Variants in CCDC187 observed in about 807,000 individuals in gnomAD.
CCDC187 encodes the protein coiled-coil domain containing 187, also known as coiled-coil domain-containing protein 187.
A neutral mutation model predicts 38.0 loss-of-function variants in CCDC187; 32 were observed. The observed-to-expected ratio is 0.84, with a 90% CI of 0.64 to 1.13. The LOEUF is 1.13. Among genes scored for constraint, CCDC187 ranks in the 50% most tolerant of loss-of-function variants. The pLI, the probability that CCDC187 is intolerant of heterozygous loss-of-function variation, is 0.00. For synonymous variants in CCDC187, 333 were observed against 347.9 expected (o/e 0.96, Z 0.48); for missense variants, 707 against 786.8 (o/e 0.90, Z 1.21).
intron 14 of CCDC187, among the ~76,000 whole-genome samples, chr9:136,270,099 T>C (rs782061984): frequency 2.0e-5 from 3 of 152,232 alleles, no homozygotes; most frequent in Admixed American, 6.5e-5. Context: ...AGCTCACAAC[T>C]TCAAGTGGCC....
intron 3 of CCDC187, among the ~76,000 whole-genome samples, chr9:136,298,083 T>C (rs1447616399): frequency 2.0e-5 from 3 of 152,172 alleles, no homozygotes; most frequent in Non-Finnish European, 4.4e-5. Flanking sequence ...CAGGCATACC[T>C]ATTCAAATTC....
At chr9:136,293,253 ACACACT>A (rs1831394933) in intron 4 of CCDC187, among the ~76,000 whole-genome samples, 1 of 144,406 alleles carries the variant, frequency 6.9e-6, no homozygotes, top group African/African-American at 2.8e-5. Flanking sequence ...TCACATGCTT[ACACACT>A]CACTCATGCT....
intron 8 of CCDC187, chr9:136,285,837 G>A (rs1316484353): frequency 2.5e-6 from 1 of 396,930 alleles, no homozygotes; most frequent in Non-Finnish European, 4.4e-6. Context: ...AGGAGCAATA[G>A]CTGCTGCGGG....
chr9:136,258,992 C>T lies in CCDC187; in HGVS notation c.4306G>A (p.Ala1436Thr). 1 of 985,894 alleles carries T rather than the reference C, an allele frequency of 1.0e-6. No homozygotes were observed. The highest frequency in any genetic ancestry group is 1.1e-4 in the East Asian group (1 of 8,796). 61.1% of individuals were successfully genotyped at this position (985,894 alleles called of 1,614,324 possible). A position where few individuals can be genotyped will look rare whatever the true frequency, so the allele number is the denominator to read the frequency against. ...RLGPAFPAEE[A>T]EGRLPTAQCR... is the part of the protein sequence containing the mutation. ...TGAGCTGTGGGGAGGCGCCCCTCCG[C>T]CTCCTCGGCCTGGGGGGTGAGACGG... Residue 1436 changes from alanine (A) to threonine (T), a missense_variant, in exon 22 of 26, where the codon GCG becomes ACG. Transcript: ENST00000638797. This position sits in a 1 kb window ranked among gnomAD's most constrained non-coding sequence, Gnocchi z 4.3.
At chr9:136,302,194 A>C (rs1236443972) in intron 2 of CCDC187, among the ~76,000 whole-genome samples, 1 of 152,176 alleles carries the variant, frequency 6.6e-6, no homozygotes, top group East Asian at 1.9e-4. Context: ...TCTCAAAAAA[A>C]TAAAAAATAA....
rs1830580257 is a variant in CCDC187, at chr9:136,253,897, G to C, written c.5931C>G (p.Pro1977=). The C allele has an allele frequency of 3.0e-6, 3 of 985,492 alleles. No homozygotes were observed. The highest frequency in any genetic ancestry group is 4.7e-5 in the South Asian group (1 of 21,282). 61.0% of individuals were successfully genotyped at this position (985,492 alleles called of 1,614,324 possible). The change falls in exon 26 of 26, where the codon CCC becomes CCG. Residue 1977 remains proline (P), a synonymous_variant. Coordinates refer to ENST00000638797, the MANE Select transcript of CCDC187 (RefSeq NM_001378188.1). The stretch of plus-strand genomic sequence containing the variant: ...CAGTCAAGACGTCACCGGCAAGTAG[G>C]GGACAGGCTTCCTCCAGGACAGTGG... ...GAPTVLEEAC[P]LLAGDVLTEI... is the part of the protein sequence containing the mutation.
upstream of CCDC187, chr9:136,304,108 G>C (rs2131375165): frequency 6.6e-6 from 1 of 152,534 alleles, no homozygotes; most frequent in African/African-American, 2.4e-5. Context: ...CTGTCTCTTG[G>C]TGGGGTGGGG....
intron 4 of CCDC187, among the ~76,000 whole-genome samples, chr9:136,295,466 C>G (rs1831513160): frequency 6.6e-6 from 1 of 152,210 alleles, no homozygotes. Flanking sequence ...AGTGCCCTGT[C>G]AAAGTTCTGG....
At position 136,264,494 on chromosome 9, in the gene CCDC187, TC is replaced by T. The variant is rs1554761388; in HGVS notation, c.3736-697del. On this transcript the variant is annotated intron_variant, in intron 17 of 25. Coordinates refer to ENST00000638797, the MANE Select transcript of CCDC187 (RefSeq NM_001378188.1). This position sits in a 1 kb window ranked among gnomAD's most constrained non-coding sequence, Gnocchi z 4.3. The stretch of plus-strand genomic sequence containing the variant: ...AGACCCCTTCTAAGCCCCTTTTGTT[TC>T]CCCGGCTCACGTTGTTCTCTGTGGT... Among the ~76,000 whole-genome samples the T allele has an allele frequency of 2.0e-5, 3 of 151,840 alleles. No homozygotes were observed. Among genetic ancestry groups the T allele is most frequent in the Non-Finnish European group, 4.4e-5 (3 of 67,952 alleles).
rs1418651150 is a variant in CCDC187, at chr9:136,302,885, G to A, written c.552C>T (p.His184=). 2.5e-5 allele frequency: 10 copies of A among 398,614 alleles called. No homozygotes were observed. Among genetic ancestry groups the A allele is most frequent in the Non-Finnish European group, 4.4e-5 (10 of 226,140 alleles). 24.7% of individuals were successfully genotyped at this position (398,614 alleles called of 1,614,324 possible). A position where few individuals can be genotyped will look rare whatever the true frequency, so the allele number is the denominator to read the frequency against. ...TCCTAAGCATCAGCGTGGAGGCTTT[G>A]TGGAGTCTGGAGGCGCTGGAGGGGG... is the stretch of plus-strand genomic sequence containing the variant. ...TSAPSSASRL[H]KASTLMLRRK... The change falls in exon 2 of 26, where the codon CAC becomes CAT. Residue 184 remains histidine, a synonymous_variant. Coordinates refer to ENST00000638797, the MANE Select transcript of CCDC187 (RefSeq NM_001378188.1).
chr9:136,297,143 A>G (rs2131346162), intron 4 of CCDC187, among the ~76,000 whole-genome samples: 1 of 150,206 alleles, frequency 6.7e-6, no homozygotes, highest in East Asian at 2.0e-4. Context: ...CGTGAGCTGC[A>G]GGTGGCGTGA....
At chr9:136,287,473 GCTTGCTTC>G (rs1384638509) in intron 7 of CCDC187, among the ~76,000 whole-genome samples, 3 of 152,116 alleles carry the variant, frequency 2.0e-5, no homozygotes, top group Non-Finnish European at 4.4e-5. Context: ...CGTTCATCAC[GCTTGCTTC>G]CTTACCCTTC....
chr9:136,301,826 G>A (rs1212919249), intron 2 of CCDC187, among the ~76,000 whole-genome samples: 2 of 151,966 alleles, frequency 1.3e-5, no homozygotes, highest in African/African-American at 4.8e-5. Flanking sequence ...CAGACCTCGT[G>A]ATCTGCCCGC....
intron 21 of CCDC187, 35 bp from the exon 22 acceptor site, chr9:136,259,036 G>A (rs1483206273): frequency 2.4e-5 from 24 of 986,004 alleles, no homozygotes; most frequent in Non-Finnish European, 2.9e-5. Context: ...ATGGCACAGG[G>A]CCCTGAAGGG....
intron 19 of CCDC187, among the ~76,000 whole-genome samples, chr9:136,261,839 G>C (rs1830682472): frequency 6.6e-6 from 1 of 152,210 alleles, no homozygotes; most frequent in Admixed American, 6.5e-5. Context: ...CTGGGGGCCT[G>C]AGCTCAAAGG....
chr9:136,283,282 C>T (rs1831089768), intron 9 of CCDC187, among the ~76,000 whole-genome samples: 1 of 152,116 alleles, frequency 6.6e-6, no homozygotes, highest in African/African-American at 2.4e-5. Context: ...AAAAAGAAAC[C>T]AGTCTGAGAG....
At position 136,300,260 on chromosome 9, in the gene CCDC187, CT is replaced by C. The variant is rs1331788847; in HGVS notation, c.683del (p.Gln228ArgfsTer16). On this transcript the variant is annotated frameshift_variant, in exon 3 of 26. Coordinates refer to ENST00000638797, the MANE Select transcript of CCDC187 (RefSeq NM_001378188.1). LOFTEE classifies it high-confidence loss of function. Reference protein sequence around the residue: ...RRVEAKASHGQGRELSRVSQH... With the variant: ...RRVEAKASHGXGRELSRVSQH... ...GGGAGACCCTGGAGAGCTCGCGCCC[CT>C]GGCCGTGGGATGCCTTGGCTTCAAC... 120 of 398,698 alleles carry C rather than the reference CT, an allele frequency of 3.0e-4. 2 individuals are homozygous for C. The highest frequency in any genetic ancestry group is 8.8e-5 in the Non-Finnish European group (20 of 226,084). The allele number at this position is 398,698 out of a possible 1,614,324, so 24.7% of individuals were successfully genotyped here.
intron 17 of CCDC187, 64 bp downstream of exon 17, chr9:136,265,889 CAAG>C (rs1830738019): frequency 1.2e-6 from 1 of 804,912 alleles, no homozygotes; most frequent in Non-Finnish European, 1.5e-6. Flanking sequence ...AGATTCCAGG[CAAG>C]AAGATGACAC....
rs1830574568 is a variant in CCDC187, at chr9:136,253,560, C to T, written c.*34G>A. The stretch of plus-strand genomic sequence containing the variant: ...CTACCCAACTGGTCGTCAACGCTTC[C>T]ACCCGGACCAGCCACCCCTGGGCAG... On this transcript the variant is annotated 3_prime_UTR_variant, in exon 26 of 26. Coordinates refer to ENST00000638797, the MANE Select transcript of CCDC187 (RefSeq NM_001378188.1). 1 of 979,468 alleles carries T rather than the reference C, an allele frequency of 1.0e-6. No individual in the cohort carries two copies. Among genetic ancestry groups the T allele is most frequent in the Non-Finnish European group, 1.2e-6 (1 of 824,524 alleles). The allele number at this position is 979,468 out of a possible 1,614,324, so 60.7% of individuals were successfully genotyped here.
Sources: gnomAD v4.1 joint callset for allele counts (sites outside exome capture counted in the v4.1 genomes callset) on GRCh38, gnomAD v4.1.1 for gene constraint, Gnocchi (gnomAD v3.1) non-coding constraint, MANE v1.5 for transcripts, NCBI Gene and HGNC (gene_info 2026-07-23, HGNC 2026-07-21) for gene names.